MDGA2: variants seen among roughly 807,000 people sequenced by gnomAD.
MDGA2 encodes MAM domain-containing glycosylphosphatidylinositol anchor protein 2.
A neutral mutation model predicts 117.8 loss-of-function variants in MDGA2; 40 were observed. That is an observed-to-expected ratio of 0.34 (90% CI 0.26 to 0.44). MDGA2 has a LOEUF of 0.44. Ranked by LOEUF, MDGA2 falls within the 20% of genes least tolerant of loss-of-function variation. MDGA2 has a pLI of 1.00. For synonymous variants in MDGA2, 452 were observed against 439.0 expected (o/e 1.03, Z -0.37); for missense variants, 1,123 against 1,250.6 (o/e 0.90, Z 1.54).
At chr14:46,936,906 C>A (rs1293284855) in intron 9 of MDGA2, among the ~76,000 whole-genome samples, 2 of 151,872 alleles carry the variant, frequency 1.3e-5, no homozygotes, top group African/African-American at 2.4e-5. Flanking sequence ...CCCACTCTTA[C>A]CACTCTTATT....
chr14:47,301,386 T>A, intron 2 of MDGA2, 25 bp downstream of exon 2: 1 of 1,550,444 alleles, frequency 6.4e-7, no homozygotes, highest in Middle Eastern at 1.7e-4. Context: ...GAATGTTTTC[T>A]CCAGTGTCAC....
rs576616385 is a variant in MDGA2, at chr14:47,273,606, T to C, written c.420+27805A>G. The stretch of plus-strand genomic sequence containing the variant: ...GTATGTAAATATTGATTGTCTTCTC[T>C]TACAATTTATTGTTATCATTCACAC... On this transcript the variant is annotated intron_variant, in intron 2 of 16. Coordinates refer to ENST00000399232, the MANE Select transcript of MDGA2 (RefSeq NM_001113498.3). Among the ~76,000 whole-genome samples the C allele has an allele frequency of 2.2e-4, 33 of 152,326 alleles. No homozygotes were observed. In the South Asian group the frequency reaches 6.4e-3, roughly 30 times the overall value.
intron 3 of MDGA2, among the ~76,000 whole-genome samples, chr14:47,175,145 T>C (rs1317856467): frequency 6.6e-6 from 1 of 151,426 alleles, no homozygotes; most frequent in East Asian, 1.9e-4. Context: ...TCTGAAATTG[T>C]GGCAATAATC....
Position 47,035,087 on chromosome 14 carries a change from C to T in MDGA2, c.1743G>A (p.Met581Ile). Residue 581 changes from methionine (M) to isoleucine (I), a missense_variant, in exon 8 of 17, where the codon ATG becomes ATA. Met to Ile is a conservative substitution (Grantham distance 10, BLOSUM62 1). Around this residue, in one of 2 missense-constraint regions of MDGA2, gnomAD observed 890 missense variants for 1,050.3 expected, o/e 0.85. Transcript: ENST00000399232. ...TGTATTGGCTGGTCTGACATCTGTA[C>T]ATTCCTGACATTTCCCTAGATACAT... The part of the protein sequence containing the change: ...IVNVSREMSG[M>I]YRCQTSQYNG... 1 of 1,614,132 alleles carries T rather than the reference C, an allele frequency of 6.2e-7. No individual in the cohort carries two copies. Among genetic ancestry groups the T allele is most frequent in the Non-Finnish European group, 8.5e-7 (1 of 1,179,992 alleles).
At chr14:47,127,088 G>A (rs1389823534) in intron 5 of MDGA2, among the ~76,000 whole-genome samples, 1 of 152,076 alleles carries the variant, frequency 6.6e-6, no homozygotes, top group Non-Finnish European at 1.5e-5. Flanking sequence ...GGTTTACAGA[G>A]AAGATTAACG....
At chr14:47,251,475 T>G (rs1887443633) in intron 2 of MDGA2, among the ~76,000 whole-genome samples, 1 of 138,346 alleles carries the variant, frequency 7.2e-6, no homozygotes, top group African/African-American at 2.5e-5. Flanking sequence ...AGTACATAAT[T>G]TTTTTAAAAA....
At chr14:46,999,378 G>T (rs957833637) in intron 8 of MDGA2, among the ~76,000 whole-genome samples, 1 of 151,886 alleles carries the variant, frequency 6.6e-6, no homozygotes, top group Non-Finnish European at 1.5e-5. Context: ...TTTAAATTAA[G>T]GTCAAGTGTT....
chr14:46,930,093 G>T (rs918987989), intron 9 of MDGA2, among the ~76,000 whole-genome samples: 1 of 141,584 alleles, frequency 7.1e-6, no homozygotes, highest in Admixed American at 7.4e-5. Context: ...TTTATTTCAT[G>T]AGTATGCAAC....
chr14:47,129,245 C>CA (rs893680698), intron 5 of MDGA2, among the ~76,000 whole-genome samples: 6 of 151,724 alleles, frequency 4.0e-5, no homozygotes, highest in Non-Finnish European at 7.4e-5. Flanking sequence ...TAGCTCCCCC[C>CA]CCGACCCCAC....
intron 1 of MDGA2, among the ~76,000 whole-genome samples, chr14:47,333,499 A>C (rs1890351090): frequency 6.6e-6 from 1 of 151,876 alleles, no homozygotes. Flanking sequence ...GAAAATCTTT[A>C]TTTTGGCTAT....
chr14:46,928,521 A>C (rs1226332517), intron 9 of MDGA2, among the ~76,000 whole-genome samples: 1 of 150,510 alleles, frequency 6.6e-6, no homozygotes, highest in Non-Finnish European at 1.5e-5. Context: ...TCACACCAAC[A>C]AAAGCTTTGT....
intron 1 of MDGA2, among the ~76,000 whole-genome samples, chr14:47,527,554 T>C (rs1894998592): frequency 6.6e-6 from 1 of 152,114 alleles, no homozygotes; most frequent in African/African-American, 2.4e-5. Context: ...GGCAGAACCT[T>C]GGGGAAAGCT....
chr14:47,279,988 C>T (rs1888423830), intron 2 of MDGA2, among the ~76,000 whole-genome samples: 1 of 151,884 alleles, frequency 6.6e-6, no homozygotes, highest in Admixed American at 6.6e-5. Context: ...CTGCCTCAGC[C>T]TCCTAGTTTT....
chr14:46,959,080 T>C (rs1885678554), intron 8 of MDGA2, among the ~76,000 whole-genome samples: 2 of 152,196 alleles, frequency 1.3e-5, no homozygotes, highest in African/African-American at 4.8e-5. Flanking sequence ...GTTAAAAGTT[T>C]TAGATATCTA....
chr14:47,316,336 A>G (rs1203235056), intron 1 of MDGA2, among the ~76,000 whole-genome samples: 1 of 152,124 alleles, frequency 6.6e-6, no homozygotes, highest in African/African-American at 2.4e-5. Flanking sequence ...AATCCAAAGA[A>G]ACCAAAAATA....
chr14:47,120,720 C>T (rs1191092535), intron 5 of MDGA2, among the ~76,000 whole-genome samples: 1 of 152,138 alleles, frequency 6.6e-6, no homozygotes, highest in Non-Finnish European at 1.5e-5. Flanking sequence ...AAGGTTGATG[C>T]TAATATATCT....
intron 1 of MDGA2, among the ~76,000 whole-genome samples, chr14:47,351,552 C>T (rs1890882227): frequency 6.6e-6 from 1 of 152,118 alleles, no homozygotes; most frequent in South Asian, 2.1e-4. Context: ...TAAGCACTTG[C>T]TAAATGAGAT....
chr14:47,355,657 TC>T (rs1405962381), intron 1 of MDGA2, among the ~76,000 whole-genome samples: 1 of 151,880 alleles, frequency 6.6e-6, no homozygotes, highest in Non-Finnish European at 1.5e-5. Context: ...GAGGAGGACT[TC>T]CTCTGCTCCA....
intron 1 of MDGA2, among the ~76,000 whole-genome samples, chr14:47,578,253 G>C (rs1282400407): frequency 6.6e-6 from 1 of 151,998 alleles, no homozygotes; most frequent in Admixed American, 6.6e-5. Context: ...GAGCCAGTCA[G>C]GGGGTGGGGG....
Sources: gnomAD v4.1 joint callset for allele counts (sites outside exome capture counted in the v4.1 genomes callset) on GRCh38, gnomAD v4.1.1 for gene constraint, gnomAD v4.1.1 regional missense constraint, MANE v1.5 for transcripts, NCBI Gene and HGNC (gene_info 2026-07-23, HGNC 2026-07-21) for gene names.